The following NEGR1 variants were observed in gnomAD, a reference collection of about 807,000 sequenced individuals.
NEGR1 encodes neuronal growth regulator 1, also known as IgLON family member 4.
Under a neutral mutation model 40.9 loss-of-function variants are expected in NEGR1, and 10 were observed. The ratio of observed to expected loss-of-function variants is 0.24; its 90% CI spans 0.15 to 0.42. The LOEUF (loss-of-function observed/expected upper bound fraction) is 0.42, where lower values mean the gene tolerates loss of function less well. Ranked by LOEUF, NEGR1 falls within the 10% of genes least tolerant of loss-of-function variation. NEGR1 has a pLI of 1.00. For synonymous variants in NEGR1, 185 were observed against 166.8 expected (o/e 1.11, Z -0.84); for missense variants, 352 against 438.9 (o/e 0.80, Z 1.77).
At chr1:71,599,864 T>C (rs1161760007) in intron 5 of NEGR1, among the ~76,000 whole-genome samples, 2 of 152,184 alleles carry the variant, frequency 1.3e-5, no homozygotes, top group Non-Finnish European at 2.9e-5. Flanking sequence ...AAACAATGGC[T>C]ACAGTACAGA....
intron 2 of NEGR1, among the ~76,000 whole-genome samples, chr1:71,816,029 T>C (rs1658193701): frequency 6.6e-6 from 1 of 152,092 alleles, no homozygotes; most frequent in Non-Finnish European, 1.5e-5. Flanking sequence ...ATAAAATCAA[T>C]TCCTTTCAAA....
intron 1 of NEGR1, among the ~76,000 whole-genome samples, chr1:72,248,616 T>TATTA: frequency 6.8e-6 from 1 of 146,698 alleles, no homozygotes; most frequent in Non-Finnish European, 1.5e-5. Context: ...TTATTATTAT[T>TATTA]TTAGACAGAG....
chr1:71,757,622 T>C (rs1338365942), intron 3 of NEGR1, among the ~76,000 whole-genome samples: 1 of 152,102 alleles, frequency 6.6e-6, no homozygotes, highest in Non-Finnish European at 1.5e-5. Context: ...TCTTAAAAAA[T>C]GTAACCCTTC....
chr1:72,233,758 A>G (rs1184391924), intron 1 of NEGR1, among the ~76,000 whole-genome samples: 1 of 152,070 alleles, frequency 6.6e-6, no homozygotes, highest in Non-Finnish European at 1.5e-5. Context: ...TGACCATATA[A>G]ATGTGAGTGT....
chr1:72,091,154 G>A (rs1447439500), intron 1 of NEGR1, among the ~76,000 whole-genome samples: 1 of 152,130 alleles, frequency 6.6e-6, no homozygotes, highest in Non-Finnish European at 1.5e-5. Context: ...GACTGGGGAT[G>A]AGCATGAAGC....
At chr1:71,922,142 T>C (rs562120821) in intron 2 of NEGR1, among the ~76,000 whole-genome samples, 76 of 152,212 alleles carry the variant, frequency 5.0e-4, no homozygotes, top group African/African-American at 1.7e-3. Flanking sequence ...GGTTTCCCAG[T>C]GTGAGCTGTG....
At chr1:71,883,545 T>C (rs1305437036) in intron 2 of NEGR1, among the ~76,000 whole-genome samples, 1 of 152,136 alleles carries the variant, frequency 6.6e-6, no homozygotes, top group Non-Finnish European at 1.5e-5. Flanking sequence ...CACTAAAATA[T>C]ACTTTTTCAT....
At chr1:71,789,184 G>A (rs561393832) in intron 2 of NEGR1, among the ~76,000 whole-genome samples, 1 of 152,224 alleles carries the variant, frequency 6.6e-6, no homozygotes, top group South Asian at 2.1e-4. Flanking sequence ...CCCTGTGGCT[G>A]TAACTGAACT....
At position 71,500,365 on chromosome 1, in the gene NEGR1, G is replaced by A. The variant is rs191395658; in HGVS notation, c.940+92452C>T. Among the ~76,000 whole-genome samples, 7 of 151,906 alleles carry A rather than the reference G, an allele frequency of 4.6e-5. No homozygotes were observed. The East Asian group carries it at 1.4e-3, about 29-fold the overall frequency. On this transcript the variant is annotated intron_variant, in intron 6 of 6. Coordinates refer to ENST00000357731, the MANE Select transcript of NEGR1 (RefSeq NM_173808.3). ...TAATCACTTTCTTTATTTTATCTTA[G>A]TCTGAACTTTCCACCAGGACTCTAG...
At chr1:71,971,364 T>C (rs1413583446) in intron 1 of NEGR1, among the ~76,000 whole-genome samples, 1 of 152,206 alleles carries the variant, frequency 6.6e-6, no homozygotes, top group Non-Finnish European at 1.5e-5. Flanking sequence ...AATGAATTCA[T>C]TCATGTAGTC....
rs747553306 is a variant in NEGR1, at chr1:71,407,590, A to G, written c.941-20T>C. ...TTGGAGCTGGAAAGAAATGGAAAAG[A>G]TTAAATCAAAATCTAATTTGTGTCT... On this transcript the variant is annotated intron_variant, in intron 6 of 6. Transcript: ENST00000357731. 2 of 1,609,690 alleles carry G rather than the reference A, an allele frequency of 1.2e-6. No homozygotes were observed. The highest frequency in any genetic ancestry group is 1.3e-5 in the African/African-American group (1 of 74,720).
At chr1:72,047,518 TA>T (rs928166364) in intron 1 of NEGR1, among the ~76,000 whole-genome samples, 1 of 151,390 alleles carries the variant, frequency 6.6e-6, no homozygotes, top group Admixed American at 6.6e-5. Flanking sequence ...CAGATACTAG[TA>T]AACATGATTT....
chr1:71,876,237 T>G (rs542860497), intron 2 of NEGR1, among the ~76,000 whole-genome samples: 32 of 152,258 alleles, frequency 2.1e-4, no homozygotes, highest in African/African-American at 7.2e-4. Context: ...TCCATGATTC[T>G]AAGCTAACAA....
At chr1:71,526,460 C>A (rs1300293820) in intron 6 of NEGR1, among the ~76,000 whole-genome samples, 1 of 151,194 alleles carries the variant, frequency 6.6e-6, no homozygotes, top group Non-Finnish European at 1.5e-5. Flanking sequence ...ATCTTTTGTT[C>A]CAAACAACAG....
At chr1:72,064,849 G>C (rs552132434) in intron 1 of NEGR1, among the ~76,000 whole-genome samples, 1 of 151,818 alleles carries the variant, frequency 6.6e-6, no homozygotes, top group Admixed American at 6.6e-5. Context: ...TTCATTTTTT[G>C]GTTTATTTTA....
intron 1 of NEGR1, among the ~76,000 whole-genome samples, chr1:72,013,810 G>C (rs752002053): frequency 1.5e-4 from 22 of 148,774 alleles, no homozygotes; most frequent in Non-Finnish European, 2.8e-4. Flanking sequence ...CCTGACATTT[G>C]ACATTTAGTA....
chr1:72,035,023 G>C (rs1316621455), intron 1 of NEGR1, among the ~76,000 whole-genome samples: 1 of 152,066 alleles, frequency 6.6e-6, no homozygotes, highest in Non-Finnish European at 1.5e-5. Flanking sequence ...CACATGTACA[G>C]GCATTATGGC....
At chr1:71,863,903 T>C (rs1409162244) in intron 2 of NEGR1, among the ~76,000 whole-genome samples, 1 of 152,164 alleles carries the variant, frequency 6.6e-6, no homozygotes, top group Non-Finnish European at 1.5e-5. Flanking sequence ...TTAATTAGTT[T>C]ATACATGTTA....
chr1:71,921,897 G>A (rs1645724082), intron 2 of NEGR1, among the ~76,000 whole-genome samples: 1 of 151,772 alleles, frequency 6.6e-6, no homozygotes, highest in Admixed American at 6.6e-5. Context: ...CTGTGTAGGA[G>A]GTCAGTGTCC....
Sources: allele counts gnomAD v4.1 joint callset (sites outside exome capture counted in the v4.1 genomes callset), GRCh38; gene constraint gnomAD v4.1.1; transcripts MANE v1.5; gene names NCBI Gene and HGNC (gene_info 2026-07-23, HGNC 2026-07-21).